The following SMAP1 variants were observed in gnomAD, a reference collection of about 807,000 sequenced individuals.
The protein encoded by SMAP1 is stromal membrane-associated protein 1.
In SMAP1, 24 loss-of-function variants were observed where a neutral mutation model predicts 58.5. That is an observed-to-expected ratio of 0.41 (90% CI 0.30 to 0.58). The LOEUF (loss-of-function observed/expected upper bound fraction) is 0.58, where lower values mean the gene tolerates loss of function less well. Ranked by LOEUF, SMAP1 falls within the 20% of genes least tolerant of loss-of-function variation. SMAP1 has a pLI of 0.29. For missense variants in SMAP1, 563 were observed against 566.3 expected, an observed-to-expected ratio of 0.99 and a Z score of 0.06; for synonymous variants, 216 against 196.6, an observed-to-expected ratio of 1.10 and a Z score of -0.82.
chr6:70,785,071 A>G (rs1305294935), intron 4 of SMAP1, among the ~76,000 whole-genome samples: 1 of 152,196 alleles, frequency 6.6e-6, no homozygotes, highest in African/African-American at 2.4e-5. Flanking sequence ...CTCCTCAGCA[A>G]ATGTAAAAGA....
At chr6:70,786,003 A>G (rs1318744447) in intron 4 of SMAP1, among the ~76,000 whole-genome samples, 1 of 152,246 alleles carries the variant, frequency 6.6e-6, no homozygotes, top group African/African-American at 2.4e-5. Flanking sequence ...CAACCAAAAA[A>G]GAGAATTTTA....
intron 4 of SMAP1, among the ~76,000 whole-genome samples, chr6:70,774,499 A>G (rs1055706157): frequency 9.2e-5 from 14 of 152,220 alleles, no homozygotes; most frequent in African/African-American, 1.2e-4. Context: ...TGGAGAAGCA[A>G]TATATTAAAA....
At chr6:70,691,072 C>G (rs973852008) in intron 1 of SMAP1, among the ~76,000 whole-genome samples, 5 of 152,124 alleles carry the variant, frequency 3.3e-5, no homozygotes, top group South Asian at 2.1e-4. Flanking sequence ...TTCTGTCTTT[C>G]AAGGAGTTGG....
Position 70,758,144 on chromosome 6 carries a change from G to A in SMAP1, c.338+3079G>A, listed in dbSNP as rs553576419. Among the ~76,000 whole-genome samples, 1,001 of 150,242 alleles carry A rather than the reference G, an allele frequency of 6.7e-3. 7 individuals are homozygous for A. The highest frequency in any genetic ancestry group is 0.023 in the African/African-American group (959 of 41,126). On this transcript the variant is annotated intron_variant, in intron 3 of 10. Coordinates refer to ENST00000370455, the MANE Select transcript of SMAP1 (RefSeq NM_001044305.3). ...CCAAATGTCCAACAATGATAGACTG[G>A]ATTAAGAAAATGTGGCACATATACA...
Position 70,674,924 on chromosome 6 carries a change from G to A in SMAP1, c.118+6783G>A, listed in dbSNP as rs867921173. On this transcript the variant is annotated intron_variant, in intron 1 of 10. Transcript: ENST00000370455. Reference sequence around the variant, plus strand: ...CTGGAGGCGGAGGTTGCAGTGAGCCGAGATGGCGCCACTGCACTCCATCCA... The same window carrying A: ...CTGGAGGCGGAGGTTGCAGTGAGCCAAGATGGCGCCACTGCACTCCATCCA... Among the ~76,000 whole-genome samples the A allele has an allele frequency of 9.9e-5, 15 of 152,218 alleles. No homozygotes were observed. In the South Asian group the frequency reaches 1.5e-3, roughly 15 times the overall value.
At chr6:70,733,805 A>C (rs1333523196) in intron 2 of SMAP1, among the ~76,000 whole-genome samples, 1 of 152,176 alleles carries the variant, frequency 6.6e-6, no homozygotes, top group Non-Finnish European at 1.5e-5. Context: ...GCTTATTTCA[A>C]ACTAAGGATA....
In SMAP1 at chr6:70,861,644, C is replaced by T. The variant is rs373016600; in HGVS notation, c.*1310C>T. 6.2e-6 allele frequency: 10 copies of T among 1,607,940 alleles called. No homozygotes were observed. The highest frequency in any genetic ancestry group is 1.7e-5 in the Admixed American group (1 of 59,920). On this transcript the variant is annotated 3_prime_UTR_variant, in exon 11 of 11. Transcript: ENST00000370455. ...ATGGATCCACTGGCTGGACAAACTGCACCAGTTGCTGCTTCAATTTATACC... is the reference window on the plus strand; with the variant it reads ...ATGGATCCACTGGCTGGACAAACTGTACCAGTTGCTGCTTCAATTTATACC...
intron 4 of SMAP1, among the ~76,000 whole-genome samples, chr6:70,790,898 C>T (rs1768322642): frequency 6.6e-6 from 1 of 152,028 alleles, no homozygotes; most frequent in East Asian, 1.9e-4. Context: ...TACATTTTGG[C>T]AGTAAAAGAG....
At position 70,861,481 on chromosome 6, in the gene SMAP1, C is replaced by T. The variant is rs551654588; in HGVS notation, c.*1147C>T. On this transcript the variant is annotated 3_prime_UTR_variant, in exon 11 of 11. Coordinates refer to ENST00000370455, the MANE Select transcript of SMAP1 (RefSeq NM_001044305.3). ...AGACAAAACATACATTTTGTACCAA[C>T]CATCCAATTAGCTTATGTTAACTGA... 1.2e-5 allele frequency: 7 copies of T among 594,764 alleles called. No homozygotes were observed. In the African/African-American group the frequency reaches 1.3e-4, roughly 11 times the overall value. 36.8% of individuals were successfully genotyped at this position (594,764 alleles called of 1,614,324 possible).
At chr6:70,773,626 T>C (rs1366813320) in intron 4 of SMAP1, among the ~76,000 whole-genome samples, 5 of 152,108 alleles carry the variant, frequency 3.3e-5, no homozygotes, top group Non-Finnish European at 5.9e-5. Flanking sequence ...ATTCTAAATC[T>C]AATAACCACT....
chr6:70,761,578 A>G (rs1422239383), intron 3 of SMAP1, among the ~76,000 whole-genome samples: 1 of 152,028 alleles, frequency 6.6e-6, no homozygotes, highest in Non-Finnish European at 1.5e-5. Context: ...ACTTGATGGT[A>G]TGCAAGCCAT....
chr6:70,721,768 A>G (rs1262661308), intron 1 of SMAP1, among the ~76,000 whole-genome samples: 2 of 152,218 alleles, frequency 1.3e-5, no homozygotes, highest in Non-Finnish European at 2.9e-5. Context: ...CACTTCTTAC[A>G]TGGCAGCAGC....
At chr6:70,705,165 C>T (rs974934096) in intron 1 of SMAP1, among the ~76,000 whole-genome samples, 1 of 152,054 alleles carries the variant, frequency 6.6e-6, no homozygotes, top group African/African-American at 2.4e-5. Context: ...ATATCTCATC[C>T]ATCTTTCCAG....
intron 6 of SMAP1, among the ~76,000 whole-genome samples, chr6:70,813,741 T>G (rs1301893521): frequency 6.6e-6 from 1 of 152,070 alleles, no homozygotes; most frequent in Non-Finnish European, 1.5e-5. Flanking sequence ...ATATTTTAAA[T>G]GCACAAAATC....
At chr6:70,838,412 A>G (rs144308304) in intron 7 of SMAP1, among the ~76,000 whole-genome samples, 1 of 152,322 alleles carries the variant, frequency 6.6e-6, no homozygotes, top group Non-Finnish European at 1.5e-5. Context: ...CTTTCATTCC[A>G]TCTGGAGAGA....
chr6:70,742,946 C>G (rs984990983), intron 2 of SMAP1, among the ~76,000 whole-genome samples: 1 of 152,124 alleles, frequency 6.6e-6, no homozygotes, highest in African/African-American at 2.4e-5. Context: ...AAGGGGAAAA[C>G]CGCCCCCATG....
intron 6 of SMAP1, among the ~76,000 whole-genome samples, chr6:70,813,891 C>G (rs1769498473): frequency 6.6e-6 from 1 of 152,034 alleles, no homozygotes; most frequent in Admixed American, 6.6e-5. Context: ...ACAATTTTAT[C>G]TTTATAATCC....
intron 2 of SMAP1, 48 bp from the exon 3 acceptor site, chr6:70,754,932 C>T (rs766421485): frequency 8.4e-7 from 1 of 1,193,154 alleles, no homozygotes; most frequent in East Asian, 2.3e-5. Flanking sequence ...GTGCAGGAAT[C>T]ACTTTTTAAT....
chr6:70,722,093 C>T (rs1768554225), intron 1 of SMAP1, among the ~76,000 whole-genome samples: 1 of 152,170 alleles, frequency 6.6e-6, no homozygotes, highest in Admixed American at 6.5e-5. Flanking sequence ...ACAATAATGT[C>T]AGGGACAACA....
Sources: allele counts gnomAD v4.1 joint callset (sites outside exome capture counted in the v4.1 genomes callset), GRCh38; gene constraint gnomAD v4.1.1; transcripts MANE v1.5; gene names NCBI Gene and HGNC (gene_info 2026-07-23, HGNC 2026-07-21).